ELAVL3: variants seen among roughly 807,000 people sequenced by gnomAD.
ELAVL3 encodes ELAV-like protein 3.
ELAVL3 carries 8 observed loss-of-function variants against 34.2 expected under a neutral mutation model. The observed-to-expected ratio is 0.23, with a 90% CI of 0.14 to 0.42. The LOEUF (loss-of-function observed/expected upper bound fraction) is 0.42, where lower values mean the gene tolerates loss of function less well. ELAVL3 is among the 10% of genes least tolerant of loss of function. ELAVL3 has a pLI of 1.00. For synonymous variants in ELAVL3, 209 were observed against 222.1 expected (o/e 0.94, Z 0.53); for missense variants, 273 against 518.8 (o/e 0.53, Z 4.60).
At chr19:11,474,298 G>A (rs940192308) in intron 1 of ELAVL3, among the ~76,000 whole-genome samples, 14 of 152,054 alleles carry the variant, frequency 9.2e-5, no homozygotes, top group Non-Finnish European at 4.4e-5. Context: ...TTCCCAAAGT[G>A]CTAAGGATTC....
At position 11,452,488 on chromosome 19, in the gene ELAVL3, CTTTTT is replaced by C. The variant is rs547645144; in HGVS notation, c.*2033_*2037del. The stretch of plus-strand genomic sequence containing the variant: ...CCAGTTTATGTCTTTTTTTTTTTTC[CTTTTT>C]TTTTTTTAAATCTCTTCTGTGTGTT... On this transcript the variant is annotated 3_prime_UTR_variant, in exon 7 of 7. Transcript: ENST00000359227. The C allele has an allele frequency of 7.2e-6, 1 of 138,530 alleles. No homozygotes were observed. The highest frequency in any genetic ancestry group is 2.7e-5 in the African/African-American group (1 of 37,282). 8.6% of individuals were successfully genotyped at this position (138,530 alleles called of 1,614,324 possible). A position where few individuals can be genotyped will look rare whatever the true frequency, so the allele number is the denominator to read the frequency against.
intron 1 of ELAVL3, among the ~76,000 whole-genome samples, chr19:11,472,128 C>A (rs570087900): frequency 7.2e-5 from 11 of 152,202 alleles, no homozygotes; most frequent in African/African-American, 2.4e-4. Context: ...GCAGGTGGAT[C>A]ATCTGAGGTC....
rs540397321 is a variant in ELAVL3 at position 11,475,065 on chromosome 19, A to G, written c.9+5535T>C. Among the ~76,000 whole-genome samples, 3 of 152,202 alleles carry G rather than the reference A, an allele frequency of 2.0e-5. No individual in the cohort carries two copies. The South Asian group carries it at 6.2e-4, about 32-fold the overall frequency. ...ATGGTCTCGATCTCCTGATCTCGTG[A>G]TCCACTGCCTCGGCCTCCCAAAGTG... On this transcript the variant is annotated intron_variant, in intron 1 of 6. Transcript: ENST00000359227.
chr19:11,474,678 T>C (rs1454571462), intron 1 of ELAVL3, among the ~76,000 whole-genome samples: 1 of 152,128 alleles, frequency 6.6e-6, no homozygotes, highest in Non-Finnish European at 1.5e-5. Context: ...TCTCTCTATG[T>C]TGTCCAGCCT....
chr19:11,474,055 C>T (rs960152782), intron 1 of ELAVL3, among the ~76,000 whole-genome samples: 1 of 152,036 alleles, frequency 6.6e-6, no homozygotes, highest in Non-Finnish European at 1.5e-5. Flanking sequence ...TTATTAGAGA[C>T]GGGGTCTCGC....
At chr19:11,461,474 CCCTCCCT>C (rs1970883393) in intron 3 of ELAVL3, among the ~76,000 whole-genome samples, 1 of 140,750 alleles carries the variant, frequency 7.1e-6, no homozygotes, top group African/African-American at 2.7e-5. Flanking sequence ...CTCCCTCCCT[CCCTCCCT>C]TCCTTCCTTC....
Position 11,454,939 on chromosome 19 carries a change from C to A in ELAVL3, c.753-62G>T. 6.6e-7 allele frequency: 1 copy of A among 1,503,882 alleles called. No individual in the cohort carries two copies. 93.2% of individuals were successfully genotyped at this position (1,503,882 alleles called of 1,614,324 possible). A position where few individuals can be genotyped will look rare whatever the true frequency, so the allele number is the denominator to read the frequency against. On this transcript the variant is annotated intron_variant, in intron 6 of 6. Transcript: ENST00000359227. This position sits in a 1 kb window ranked among gnomAD's most constrained non-coding sequence, Gnocchi z 9.2. ...CCGCATGCTTCTGACCCCGTTGTGA[C>A]CCTTCACACCTTTATGACCCCTGAC...
chr19:11,460,994 C>G (rs1053387003), intron 3 of ELAVL3, among the ~76,000 whole-genome samples: 1 of 140,556 alleles, frequency 7.1e-6, no homozygotes, highest in African/African-American at 3.0e-5. Context: ...CCGTCCTCCA[C>G]CGCCACAACC....
At chr19:11,470,106 G>A (rs1195110486) in intron 1 of ELAVL3, among the ~76,000 whole-genome samples, 1 of 152,164 alleles carries the variant, frequency 6.6e-6, no homozygotes, top group Admixed American at 6.6e-5. Context: ...TGTAATCCCA[G>A]CAGTTTGGGA....
intron 3 of ELAVL3, among the ~76,000 whole-genome samples, chr19:11,465,316 T>C (rs558633314): frequency 9.4e-5 from 12 of 127,740 alleles, no homozygotes; most frequent in Non-Finnish European, 1.9e-4. Context: ...ACCACACACA[T>C]ACACACATGC....
intron 5 of ELAVL3, 106 bp from the exon 6 acceptor site, chr19:11,457,254 G>A (rs1163635197): frequency 1.2e-5 from 15 of 1,221,632 alleles, no homozygotes; most frequent in Non-Finnish European, 1.6e-5. Context: ...CTGCAGCAGA[G>A]CCCTGCCCCC....
chr19:11,455,087 C>T (rs1970740864), intron 6 of ELAVL3, among the ~76,000 whole-genome samples: 1 of 151,956 alleles, frequency 6.6e-6, no homozygotes, highest in Admixed American at 6.6e-5. Flanking sequence ...CAGCTTTGAC[C>T]TCCTGGGCTC....
intron 3 of ELAVL3, among the ~76,000 whole-genome samples, chr19:11,459,126 T>C (rs1207246218): frequency 6.8e-6 from 1 of 146,460 alleles, no homozygotes; most frequent in African/African-American, 2.7e-5. Flanking sequence ...ATTTTTTTTT[T>C]CTTTTTTTTT....
chr19:11,456,232 G>T (rs957680782), intron 6 of ELAVL3, among the ~76,000 whole-genome samples: 3 of 151,480 alleles, frequency 2.0e-5, no homozygotes, highest in Admixed American at 6.6e-5. Flanking sequence ...AGCCTCCCGA[G>T]TAGCTGGGAT....
rs754381032 is a variant in ELAVL3, at chr19:11,466,856, C to T, written c.10-29G>A. 14 of 1,551,978 alleles carry T rather than the reference C, an allele frequency of 9.0e-6. No homozygotes were observed. Among genetic ancestry groups the T allele is most frequent in the African/African-American group, 6.8e-5 (5 of 73,186 alleles). On this transcript the variant is annotated intron_variant, in intron 1 of 6. Transcript: ENST00000359227. The surrounding 1 kb of genome is among the most constrained non-coding windows in gnomAD (Gnocchi z 5.0). The stretch of plus-strand genomic sequence containing the variant: ...GAGATAACAGGTCGCATCCGCTCAC[C>T]GCCCAGTCCCCACACCAGGGGCCTG...
At chr19:11,473,198 T>C (rs962797947) in intron 1 of ELAVL3, among the ~76,000 whole-genome samples, 7 of 151,720 alleles carry the variant, frequency 4.6e-5, no homozygotes, top group African/African-American at 1.7e-4. Context: ...ACTCCGTCTT[T>C]ACTAAAAATA....
At chr19:11,457,654 C>A (rs1970798487) in intron 5 of ELAVL3, among the ~76,000 whole-genome samples, 1 of 152,156 alleles carries the variant, frequency 6.6e-6, no homozygotes, top group South Asian at 2.1e-4. Flanking sequence ...GCCTCAGGGT[C>A]CCCGTCCATA....
At chr19:11,475,109 G>A (rs1366980992) in intron 1 of ELAVL3, among the ~76,000 whole-genome samples, 1 of 152,202 alleles carries the variant, frequency 6.6e-6, no homozygotes, top group Admixed American at 6.5e-5. Context: ...ACAGGCATGA[G>A]CCACCGCACC....
intron 1 of ELAVL3, among the ~76,000 whole-genome samples, chr19:11,478,035 C>T (rs1971295538): frequency 1.3e-5 from 2 of 152,136 alleles, no homozygotes; most frequent in Admixed American, 1.3e-4. Context: ...TCATTGACCT[C>T]CCACAACCAC....
Sources: gnomAD v4.1 joint callset for allele counts (sites outside exome capture counted in the v4.1 genomes callset) on GRCh38, gnomAD v4.1.1 for gene constraint, Gnocchi (gnomAD v3.1) non-coding constraint, MANE v1.5 for transcripts, NCBI Gene and HGNC (gene_info 2026-07-23, HGNC 2026-07-21) for gene names.